Variants in ALG5 observed in about 807,000 individuals in gnomAD.
ALG5 encodes ALG5 dolichyl-phosphate beta-glucosyltransferase, also known as dolichyl-phosphate beta-glucosyltransferase.
In ALG5, 26 loss-of-function variants were observed where a neutral mutation model predicts 51.8. The ratio of observed to expected loss-of-function variants is 0.50; its 90% CI spans 0.37 to 0.70. ALG5 has a LOEUF of 0.70. Among genes scored for constraint, ALG5 ranks in the 30% least tolerant of loss-of-function variants. The probability of loss-of-function intolerance (pLI) is 0.00; values close to 1 mark genes in which losing one functional copy is unlikely to be tolerated. For missense variants in ALG5, 311 were observed against 399.3 expected (o/e 0.78, Z 1.88); for synonymous variants, 141 against 136.1 (o/e 1.04, Z -0.25).
chr13:36,981,703 G>A (rs1377581222), intron 6 of ALG5, among the ~76,000 whole-genome samples: 2 of 152,306 alleles, frequency 1.3e-5, no homozygotes, highest in East Asian at 3.9e-4. Context: ...ATACCTGTAC[G>A]AAGTAACAAT....
rs574793748 is a variant in ALG5, at chr13:36,963,004, A to G, written c.773+2571T>C. Among the ~76,000 whole-genome samples the G allele has an allele frequency of 1.1e-4, 16 of 152,276 alleles. No individual in the cohort carries two copies. In the South Asian group the frequency reaches 2.9e-3, roughly 28 times the overall value. ...TACCCTGTTGCCCAGGCTAAAGTAC[A>G]GTGGTGCAATCATAGCTCACTGCAG... On this transcript the variant is annotated intron_variant, in intron 8 of 9. Coordinates refer to ENST00000239891, the MANE Select transcript of ALG5 (RefSeq NM_013338.5).
Position 36,994,882 on chromosome 13 carries a change from G to T in ALG5, c.285+107C>A, listed in dbSNP as rs1310432995. ...AAGCAGCAGGTGGCCCAGCGATCGG[G>T]GTGCTGCCAGGACTGCCTCTCACAG... On this transcript the variant is annotated intron_variant, in intron 3 of 9. Coordinates refer to ENST00000239891, the MANE Select transcript of ALG5 (RefSeq NM_013338.5). 3 of 919,032 alleles carry T rather than the reference G, an allele frequency of 3.3e-6. No homozygotes were observed. In the East Asian group the frequency reaches 7.5e-5, roughly 23 times the overall value. The allele number at this position is 919,032 out of a possible 1,614,324, so 56.9% of individuals were successfully genotyped here.
intron 8 of ALG5, among the ~76,000 whole-genome samples, chr13:36,958,596 C>T (rs993802836): frequency 9.2e-5 from 14 of 152,090 alleles, no homozygotes; most frequent in Admixed American, 3.3e-4. Context: ...CAGCAGGAAG[C>T]GGTTAGAGCG....
intron 7 of ALG5, among the ~76,000 whole-genome samples, chr13:36,967,351 C>T (rs2058899663): frequency 6.6e-6 from 1 of 152,098 alleles, no homozygotes; most frequent in Admixed American, 6.6e-5. Flanking sequence ...CCTCTAAGTC[C>T]ATTTCCTGAT....
chr13:36,977,790 CAAA>C lies in ALG5; in HGVS notation c.562-5757_562-5755del, dbSNP rs869027711. 1.5e-4 allele frequency among the ~76,000 whole-genome samples: 6 copies of C among 39,172 alleles called. No individual in the cohort carries two copies. The East Asian group carries it at 4.0e-3, about 26-fold the overall frequency. 25.7% of individuals were successfully genotyped at this position (39,172 alleles called of 152,430 possible). A position where few individuals can be genotyped will look rare whatever the true frequency, so the allele number is the denominator to read the frequency against. ...CTGGGCGACAGAGTGAGACTGTCTC[CAAA>C]AAAAAAAAAAAAAAAAAAAAACAAA... On this transcript the variant is annotated intron_variant, in intron 6 of 9. Coordinates refer to ENST00000239891, the MANE Select transcript of ALG5 (RefSeq NM_013338.5).
chr13:36,971,230 G>A (rs975853070), intron 7 of ALG5, among the ~76,000 whole-genome samples: 1 of 152,042 alleles, frequency 6.6e-6, no homozygotes, highest in Admixed American at 6.5e-5. Context: ...TTAAGGTATA[G>A]TGATAGTGTT....
At chr13:36,967,683 G>A (rs1211765405) in intron 7 of ALG5, 4 of 504,204 alleles carry the variant, frequency 7.9e-6, no homozygotes, top group Admixed American at 5.0e-5. Context: ...TCTCTAAGTA[G>A]ATAGGGCAGA....
At chr13:36,967,809 T>C in intron 7 of ALG5, 1 of 1,236,088 alleles carries the variant, frequency 8.1e-7, no homozygotes, top group Non-Finnish European at 1.1e-6. Flanking sequence ...GCACTTATGC[T>C]TAGGAAAGGA....
chr13:36,979,583 G>A lies in ALG5; in HGVS notation c.561+6044C>T, dbSNP rs117849852. ...ATATTAGAGATAGAAGAGCATTCAG[G>A]GTCATTAGTAAGCAACCCAGCACTC... On this transcript the variant is annotated intron_variant, in intron 6 of 9. Transcript: ENST00000239891. Among the ~76,000 whole-genome samples the A allele has an allele frequency of 2.2e-3, 337 of 152,212 alleles. 2 individuals are homozygous for A. Among genetic ancestry groups the A allele is most frequent in the Non-Finnish European group, 3.9e-3 (264 of 68,016 alleles).
chr13:36,994,191 G>C (rs1014470707), intron 3 of ALG5, among the ~76,000 whole-genome samples: 1 of 152,226 alleles, frequency 6.6e-6, no homozygotes, highest in Middle Eastern at 3.4e-3. Flanking sequence ...CATATTAAAG[G>C]CTCAATTCCT....
At position 36,959,679 on chromosome 13, in the gene ALG5, C is replaced by A. The variant is rs536079621; in HGVS notation, c.773+5896G>T. Among the ~76,000 whole-genome samples, 11 of 152,148 alleles carry A rather than the reference C, an allele frequency of 7.2e-5. No individual in the cohort carries two copies. In the South Asian group the frequency reaches 2.1e-3, roughly 29 times the overall value. ...GCCAAAGACAATACAGGAATGTTTC[C>A]AGAATTCTGAGGAAAAATTTCCATT... On this transcript the variant is annotated intron_variant, in intron 8 of 9. Coordinates refer to ENST00000239891, the MANE Select transcript of ALG5 (RefSeq NM_013338.5).
intron 6 of ALG5, among the ~76,000 whole-genome samples, chr13:36,983,094 T>C (rs1342699850): frequency 6.6e-6 from 1 of 152,198 alleles, no homozygotes; most frequent in Admixed American, 6.5e-5. Flanking sequence ...CAGATTTTTG[T>C]TTTATTGTTT....
chr13:36,971,665 A>AAAG, intron 7 of ALG5, among the ~76,000 whole-genome samples: 1 of 151,604 alleles, frequency 6.6e-6, no homozygotes, highest in Admixed American at 6.6e-5. Context: ...AAAAAAAAAA[A>AAAG]AAAAAGCGTA....
At chr13:36,996,508 G>C (rs1275662929) in intron 1 of ALG5, among the ~76,000 whole-genome samples, 5 of 152,112 alleles carry the variant, frequency 3.3e-5, no homozygotes, top group African/African-American at 1.2e-4. Context: ...GGACAAAGTA[G>C]TCAACCTGAA....
At chr13:36,976,803 T>G (rs2058954043) in intron 6 of ALG5, among the ~76,000 whole-genome samples, 1 of 152,194 alleles carries the variant, frequency 6.6e-6, no homozygotes, top group South Asian at 2.1e-4. Flanking sequence ...GTAAAATAAT[T>G]TATTCCCTTG....
intron 4 of ALG5, among the ~76,000 whole-genome samples, chr13:36,992,425 T>TA (rs751100195): frequency 6.6e-6 from 1 of 152,208 alleles, no homozygotes; most frequent in Non-Finnish European, 1.5e-5. Context: ...TATAAGTAGC[T>TA]AAGTGAACTA....
At chr13:36,993,777 T>C (rs1202259521) in intron 3 of ALG5, 105 bp from the exon 4 acceptor site, 1 of 858,616 alleles carries the variant, frequency 1.2e-6, no homozygotes, top group East Asian at 2.5e-5. Flanking sequence ...TGTTGATACA[T>C]ATAAATTTGA....
chr13:36,966,158 T>A (rs1452458273), intron 7 of ALG5, among the ~76,000 whole-genome samples: 1 of 152,190 alleles, frequency 6.6e-6, no homozygotes, highest in Non-Finnish European at 1.5e-5. Context: ...AGTTGATACT[T>A]AACTAATGAG....
chr13:36,974,076 G>C (rs1437765582), intron 6 of ALG5, among the ~76,000 whole-genome samples: 2 of 152,162 alleles, frequency 1.3e-5, no homozygotes, highest in African/African-American at 4.8e-5. Flanking sequence ...CATCCGAAGG[G>C]ACTGGCTATG....
Sources: allele counts gnomAD v4.1 joint callset (sites outside exome capture counted in the v4.1 genomes callset), GRCh38; gene constraint gnomAD v4.1.1; transcripts MANE v1.5; gene names NCBI Gene and HGNC (gene_info 2026-07-23, HGNC 2026-07-21).